The following MON2 variants were observed in gnomAD, a reference collection of about 807,000 sequenced individuals.
The protein encoded by MON2 is MON2 regulator of endosome-to-Golgi trafficking, also known as protein MON2 homolog.
Under a neutral mutation model 208.6 loss-of-function variants are expected in MON2, and 84 were observed. The ratio of observed to expected loss-of-function variants is 0.40; its 90% CI spans 0.34 to 0.48. MON2 has a LOEUF of 0.48. Among genes scored for constraint, MON2 ranks in the 20% least tolerant of loss-of-function variants. The pLI is 0.59. For synonymous variants in MON2, 660 were observed against 694.0 expected, an observed-to-expected ratio of 0.95 and a Z score of 0.77; for missense variants, 1,611 against 2,015.4, an observed-to-expected ratio of 0.80 and a Z score of 3.84.
At chr12:62,498,762 A>G (rs146432886) in intron 4 of MON2, among the ~76,000 whole-genome samples, 157 bp from the exon 5 acceptor site, 30 of 152,302 alleles carry the variant, frequency 2.0e-4, no homozygotes, top group African/African-American at 7.0e-4. Flanking sequence ...TTTACTGACA[A>G]CTTGGATTAC....
Position 62,537,610 on chromosome 12 carries a change from C to T in MON2, c.2022C>T (p.Ser674=). Residue 674 remains serine, a synonymous_variant, in exon 16 of 35, where the codon TCC becomes TCT. Transcript: ENST00000393630. ...VQPQGTVMLT[S]KNIQCMRTLL... Reference sequence around the variant, plus strand: ...TCCTTTTTAAAATATAGCTGACTTCCAAAAATATCCAGTGTATGAGGACTT... The same window carrying T: ...TCCTTTTTAAAATATAGCTGACTTCTAAAAATATCCAGTGTATGAGGACTT... 1.2e-6 allele frequency: 2 copies of T among 1,602,340 alleles called. No individual in the cohort carries two copies. Among genetic ancestry groups the T allele is most frequent in the Non-Finnish European group, 1.7e-6 (2 of 1,175,598 alleles).
chr12:62,501,682 C>G lies in MON2; in HGVS notation c.773C>G (p.Pro258Arg), dbSNP rs1419366512. The change falls in exon 7 of 35, where the codon CCG becomes CGG. Residue 258 changes from proline (P) to arginine (R), a missense_variant. Coordinates refer to ENST00000393630, the MANE Select transcript of MON2 (RefSeq NM_015026.3). ...ELLESVLNDFPQVFLQHQEFS... is the reference protein window; with the variant it reads ...ELLESVLNDFRQVFLQHQEFS... Reference sequence around the variant, plus strand: ...CTTGAGTCAGTCCTCAATGATTTTCCGCAGGTCTTTTTACAAGTAAGCCAT... The same window carrying G: ...CTTGAGTCAGTCCTCAATGATTTTCGGCAGGTCTTTTTACAAGTAAGCCAT... The G allele has an allele frequency of 6.2e-7, 1 of 1,614,070 alleles. No individual in the cohort carries two copies. The highest frequency in any genetic ancestry group is 8.5e-7 in the Non-Finnish European group (1 of 1,179,964).
chr12:62,573,573 T>C (rs1378160101), intron 30 of MON2, among the ~76,000 whole-genome samples: 2 of 151,690 alleles, frequency 1.3e-5, no homozygotes, highest in Admixed American at 6.6e-5. Context: ...AAAAAAATGG[T>C]TTTCTATGTA....
chr12:62,562,056 T>A (rs2074217316), intron 26 of MON2, among the ~76,000 whole-genome samples: 1 of 152,146 alleles, frequency 6.6e-6, no homozygotes, highest in African/African-American at 2.4e-5. Flanking sequence ...AAATTCAGTG[T>A]AGGGGTATTA....
chr12:62,474,266 C>T (rs1185598872), intron 1 of MON2, among the ~76,000 whole-genome samples: 3 of 151,774 alleles, frequency 2.0e-5, no homozygotes, highest in Admixed American at 2.0e-4. Context: ...TTACAGGCGC[C>T]TGCCACCACG....
At position 62,508,444 on chromosome 12, in the gene MON2, A is replaced by G; in HGVS notation, c.948A>G (p.Val316=). ...YFPICMRLLR[V]VSVLIKQFYS... ...CTATCTGCATGCGTTTGCTGAGAGT[A>G]GTATCTGTTCTGATTAAGCAGTTTT... Residue 316 remains valine, a synonymous_variant, in exon 8 of 35, where the codon GTA becomes GTG. Coordinates refer to ENST00000393630, the MANE Select transcript of MON2 (RefSeq NM_015026.3). The G allele has an allele frequency of 1.9e-6, 3 of 1,614,110 alleles. No homozygotes were observed. The highest frequency in any genetic ancestry group is 2.5e-6 in the Non-Finnish European group (3 of 1,179,996).
At chr12:62,520,773 A>G (rs1031455345) in intron 8 of MON2, among the ~76,000 whole-genome samples, 4 of 150,818 alleles carry the variant, frequency 2.7e-5, no homozygotes, top group African/African-American at 9.7e-5. Context: ...AAAAAATACA[A>G]AAAATTAGCC....
chr12:62,560,277 C>CTT, intron 25 of MON2: 2 of 460,706 alleles, frequency 4.3e-6, no homozygotes, highest in Non-Finnish European at 7.6e-6. Flanking sequence ...TCTTGGTGCC[C>CTT]TTTGTTCCTA....
intron 4 of MON2, among the ~76,000 whole-genome samples, chr12:62,496,107 G>C (rs2070468430): frequency 6.6e-6 from 1 of 152,038 alleles, no homozygotes; most frequent in South Asian, 2.1e-4. Flanking sequence ...GTCACATTAA[G>C]CTGTGTATAC....
At chr12:62,472,720 C>A (rs1592796179) in intron 1 of MON2, among the ~76,000 whole-genome samples, 1 of 152,194 alleles carries the variant, frequency 6.6e-6, no homozygotes, top group South Asian at 2.1e-4. Context: ...TGGGTTAACA[C>A]CTCATTTGCA....
chr12:62,588,282 T>C (rs2075283394), intron 34 of MON2, 126 bp downstream of exon 34: 1 of 625,482 alleles, frequency 1.6e-6, no homozygotes, highest in Non-Finnish European at 2.8e-6. Flanking sequence ...TCTCCAGTTC[T>C]CATGACAACA....
chr12:62,526,901 C>A (rs369963870), intron 11 of MON2, among the ~76,000 whole-genome samples: 13 of 152,212 alleles, frequency 8.5e-5, no homozygotes, highest in African/African-American at 3.1e-4. Flanking sequence ...CCGATGTGGG[C>A]AGATCACTTG....
intron 4 of MON2, among the ~76,000 whole-genome samples, chr12:62,496,814 C>T (rs1374802947): frequency 6.6e-6 from 1 of 151,666 alleles, no homozygotes; most frequent in South Asian, 2.1e-4. Context: ...TGGGTATATA[C>T]CCAAAGGACT....
intron 1 of MON2, among the ~76,000 whole-genome samples, chr12:62,476,912 C>T (rs1489318990): frequency 1.3e-5 from 2 of 152,052 alleles, no homozygotes; most frequent in Non-Finnish European, 2.9e-5. Flanking sequence ...AATCCTGGGA[C>T]TTTGGGAGGC....
At chr12:62,485,946 C>T (rs1312871547) in intron 2 of MON2, among the ~76,000 whole-genome samples, 1 of 152,102 alleles carries the variant, frequency 6.6e-6, no homozygotes, top group Admixed American at 6.5e-5. Flanking sequence ...TCGGGGTTCT[C>T]CCGCCTCGGC....
chr12:62,484,144 T>G, intron 1 of MON2, 26 bp from the exon 2 acceptor site: 1 of 1,520,606 alleles, frequency 6.6e-7, no homozygotes, highest in Non-Finnish European at 9.0e-7. Flanking sequence ...GTAAATTTTG[T>G]GTTCTAATTA....
chr12:62,527,287 C>T (rs922631401), intron 11 of MON2, among the ~76,000 whole-genome samples: 5 of 151,988 alleles, frequency 3.3e-5, no homozygotes, highest in Non-Finnish European at 5.9e-5. Context: ...ACAGAGTCTT[C>T]GGCTAGTTAA....
chr12:62,471,708 C>T (rs2068798284), intron 1 of MON2, among the ~76,000 whole-genome samples: 1 of 152,022 alleles, frequency 6.6e-6, no homozygotes, highest in African/African-American at 2.4e-5. Flanking sequence ...TGGGAAACAA[C>T]ATTAAAGAAA....
At chr12:62,572,084 A>T (rs1305198272) in intron 30 of MON2, among the ~76,000 whole-genome samples, 1 of 152,250 alleles carries the variant, frequency 6.6e-6, no homozygotes, top group East Asian at 1.9e-4. Context: ...TTACTGTAGG[A>T]TGATTGGAAC....
Sources: allele counts gnomAD v4.1 joint callset (sites outside exome capture counted in the v4.1 genomes callset), GRCh38; gene constraint gnomAD v4.1.1; transcripts MANE v1.5; gene names NCBI Gene and HGNC (gene_info 2026-07-23, HGNC 2026-07-21).